PDS5B: variants seen among roughly 807,000 people sequenced by gnomAD.
PDS5B encodes PDS5 cohesin associated factor B.
Under a neutral mutation model 184.1 loss-of-function variants are expected in PDS5B, and 51 were observed. The observed-to-expected ratio is 0.28, with a 90% CI of 0.22 to 0.35. The LOEUF (loss-of-function observed/expected upper bound fraction) is 0.35, where lower values mean the gene tolerates loss of function less well. Ranked by LOEUF, PDS5B falls within the 10% of genes least tolerant of loss-of-function variation. PDS5B has a pLI of 1.00. For missense variants in PDS5B, 1,180 were observed against 1,723.3 expected (o/e 0.68, Z 5.58); for synonymous variants, 566 against 569.2 (o/e 0.99, Z 0.08).
At chr13:32,692,414 C>CTATT (rs1593440334) in intron 13 of PDS5B, among the ~76,000 whole-genome samples, 2 of 69,124 alleles carry the variant, frequency 2.9e-5, no homozygotes, top group African/African-American at 1.0e-4. Context: ...GTCCAAAAAG[C>CTATT]CTTTTTTTTT....
At chr13:32,599,373 C>G (rs1034426599) in intron 1 of PDS5B, among the ~76,000 whole-genome samples, 2 of 151,832 alleles carry the variant, frequency 1.3e-5, no homozygotes, top group African/African-American at 4.8e-5. Flanking sequence ...AAGCAATTCT[C>G]CTGCCTCAGC....
intron 20 of PDS5B, among the ~76,000 whole-genome samples, chr13:32,733,616 T>G (rs1004895012): frequency 1.3e-5 from 2 of 152,210 alleles, no homozygotes; most frequent in African/African-American, 4.8e-5. Flanking sequence ...TATTGGCCTT[T>G]CAAGCCTACA....
At chr13:32,730,759 G>T (rs1274011070) in intron 19 of PDS5B, among the ~76,000 whole-genome samples, 1 of 152,120 alleles carries the variant, frequency 6.6e-6, no homozygotes, top group Non-Finnish European at 1.5e-5. Flanking sequence ...TCTTTTATTG[G>T]TGTATAGGAA....
At chr13:32,761,179 A>C (rs568064887) in intron 30 of PDS5B, among the ~76,000 whole-genome samples, 7 of 152,316 alleles carry the variant, frequency 4.6e-5, no homozygotes, top group African/African-American at 1.7e-4. Context: ...TTTTATATGC[A>C]TAGAAAGTTT....
At position 32,731,588 on chromosome 13, in the gene PDS5B, A is replaced by G. The variant is rs1241246312; in HGVS notation, c.2124-513A>G. Among the ~76,000 whole-genome samples the G allele has an allele frequency of 5.5e-5, 8 of 145,886 alleles. No homozygotes were observed. The East Asian group carries it at 1.5e-3, about 28-fold the overall frequency. ...TAATTTATCTTGTCCCTAAAATGCTAGTAGCATCAAGTTAAATATTGGAGC... is the reference window on the plus strand; with the variant it reads ...TAATTTATCTTGTCCCTAAAATGCTGGTAGCATCAAGTTAAATATTGGAGC... On this transcript the variant is annotated intron_variant, in intron 19 of 34. Transcript: ENST00000315596.
intron 9 of PDS5B, among the ~76,000 whole-genome samples, chr13:32,676,536 A>G (rs1031463616): frequency 6.6e-6 from 1 of 152,174 alleles, no homozygotes; most frequent in African/African-American, 2.4e-5. Flanking sequence ...AAATATTAAA[A>G]GCCCGACAAG....
intron 1 of PDS5B, among the ~76,000 whole-genome samples, chr13:32,634,746 C>CT (rs2058513023): frequency 6.6e-6 from 1 of 151,872 alleles, no homozygotes; most frequent in Non-Finnish European, 1.5e-5. Flanking sequence ...CTGCGCCTGG[C>CT]TAGTTTTTGT....
chr13:32,595,562 TAC>T (rs1348004429), intron 1 of PDS5B, among the ~76,000 whole-genome samples: 1 of 152,168 alleles, frequency 6.6e-6, no homozygotes, highest in Non-Finnish European at 1.5e-5. Flanking sequence ...AATAGAGGTA[TAC>T]ACAGAGTCTG....
At chr13:32,716,702 T>C (rs71423119) in intron 19 of PDS5B, among the ~76,000 whole-genome samples, 99,038 of 101,500 alleles carry the variant, frequency 0.98, 48,514 homozygotes, top group African/African-American at 0.99. Flanking sequence ...GCTGCCCCGT[T>C]TGGGAGGTGA....
intron 8 of PDS5B, among the ~76,000 whole-genome samples, chr13:32,674,064 CT>C (rs1378795860): frequency 6.6e-6 from 1 of 152,128 alleles, no homozygotes; most frequent in Non-Finnish European, 1.5e-5. Flanking sequence ...ATCCACCTGC[CT>C]CGGCCTCCCA....
chr13:32,597,959 G>A (rs1391543404), intron 1 of PDS5B, among the ~76,000 whole-genome samples: 1 of 151,934 alleles, frequency 6.6e-6, no homozygotes, highest in Non-Finnish European at 1.5e-5. Context: ...TAAGGGGGAA[G>A]GCATTTAGTC....
intron 1 of PDS5B, among the ~76,000 whole-genome samples, chr13:32,628,529 C>T (rs1458362278): frequency 1.4e-5 from 2 of 146,552 alleles, no homozygotes; most frequent in Non-Finnish European, 3.0e-5. Flanking sequence ...GTCTGGGCGA[C>T]ACAGAGAGAC....
At position 32,776,595 on chromosome 13, in the gene PDS5B, A is replaced by G. The variant is rs1954965025; in HGVS notation, c.*1543A>G. ...GTTATGTTTTTTCATGGTTAACACC[A>G]GAGGGGAAAAAATCATATTCTAACT... On this transcript the variant is annotated 3_prime_UTR_variant, in exon 35 of 35. Coordinates refer to ENST00000315596, the MANE Select transcript of PDS5B (RefSeq NM_015032.4). 6.6e-6 allele frequency: 1 copy of G among 152,148 alleles called. No homozygotes were observed. Among genetic ancestry groups the G allele is most frequent in the African/African-American group, 2.4e-5 (1 of 41,438 alleles). The allele number at this position is 152,148 out of a possible 1,614,324, so 9.4% of individuals were successfully genotyped here. A position where few individuals can be genotyped will look rare whatever the true frequency, so the allele number is the denominator to read the frequency against.
chr13:32,595,978 A>G (rs994502520), intron 1 of PDS5B, among the ~76,000 whole-genome samples: 1 of 152,216 alleles, frequency 6.6e-6, no homozygotes, highest in Non-Finnish European at 1.5e-5. Context: ...AATAATGTAT[A>G]TATACTAAAC....
intron 1 of PDS5B, among the ~76,000 whole-genome samples, chr13:32,598,733 T>C (rs2140476750): frequency 6.6e-6 from 1 of 151,898 alleles, no homozygotes; most frequent in South Asian, 2.1e-4. Context: ...ATATTTTTGC[T>C]GGATATAGAA....
In PDS5B at chr13:32,753,346, A is replaced by G. The variant is rs372098265; in HGVS notation, c.2751A>G (p.Gln917=). The change falls in exon 25 of 35, where the codon CAA becomes CAG. Residue 917 remains glutamine (Q), a synonymous_variant. Transcript: ENST00000315596. ...TGTCTTTACAGGATGAATGCTATCA[A>G]GTAAGACAAGTGTTTGCCCAGAAAC... ...CALAINDECY[Q]VRQVFAQKLH... is the part of the protein sequence containing the mutation. 6.2e-7 allele frequency: 1 copy of G among 1,613,248 alleles called. No individual in the cohort carries two copies. Among genetic ancestry groups the G allele is most frequent in the African/African-American group, 1.3e-5 (1 of 74,928 alleles).
chr13:32,634,440 A>G (rs558997587), intron 1 of PDS5B, among the ~76,000 whole-genome samples: 1 of 152,168 alleles, frequency 6.6e-6, no homozygotes, highest in South Asian at 2.1e-4. Flanking sequence ...GTTAATAGAC[A>G]TTTGGATTGT....
rs1951317800 is a variant in PDS5B, at chr13:32,683,940, A to G, written c.1120A>G (p.Ile374Val). 1 of 1,595,812 alleles carries G rather than the reference A, an allele frequency of 6.3e-7. No homozygotes were observed. Among genetic ancestry groups the G allele is most frequent in the Non-Finnish European group, 8.6e-7 (1 of 1,164,402 alleles). ...EAIRHDVIVS[I>V]VTAAKKDILL... ...TATTAGACATGATGTTATTGTGTCA[A>G]TAGTTACAGCTGCTAAAAAGGATAT... Residue 374 changes from isoleucine (I) to valine (V), a missense_variant, in exon 11 of 35, where the codon ATA becomes GTA. By Grantham distance (29) the Ile-to-Val change is conservative. Around this residue, in one of 11 missense-constraint regions of PDS5B, gnomAD observed 475 missense variants for 691.5 expected, o/e 0.69. Coordinates refer to ENST00000315596, the MANE Select transcript of PDS5B (RefSeq NM_015032.4).
At chr13:32,705,859 G>C (rs938176873) in intron 17 of PDS5B, among the ~76,000 whole-genome samples, 2 of 152,086 alleles carry the variant, frequency 1.3e-5, no homozygotes, top group Admixed American at 1.3e-4. Flanking sequence ...TAGAGACAGG[G>C]TCTCGTTATG....
Sources: allele counts gnomAD v4.1 joint callset (sites outside exome capture counted in the v4.1 genomes callset), GRCh38; gene constraint gnomAD v4.1.1; regional missense constraint gnomAD v4.1.1; transcripts MANE v1.5; gene names NCBI Gene and HGNC (gene_info 2026-07-23, HGNC 2026-07-21).